Variants in ARAP2 observed in about 807,000 individuals in gnomAD.
ARAP2 encodes ArfGAP with RhoGAP domain, ankyrin repeat and PH domain 2.
ARAP2 carries 148 observed loss-of-function variants against 194.5 expected under a neutral mutation model. The ratio of observed to expected loss-of-function variants is 0.76; its 90% CI spans 0.67 to 0.87. The LOEUF (loss-of-function observed/expected upper bound fraction) is 0.87, where lower values mean the gene tolerates loss of function less well. Ranked by LOEUF, ARAP2 falls within the 40% of genes least tolerant of loss-of-function variation. The pLI is 0.00. For synonymous variants in ARAP2, 695 were observed against 683.5 expected (o/e 1.02, Z -0.26); for missense variants, 2,128 against 1,989.7 (o/e 1.07, Z -1.32).
intron 28 of ARAP2, among the ~76,000 whole-genome samples, chr4:36,083,757 T>C (rs1298310209): frequency 6.6e-6 from 1 of 152,152 alleles, no homozygotes; most frequent in Non-Finnish European, 1.5e-5. Flanking sequence ...ATGTGCATCA[T>C]GTCGTGGTTA....
intron 6 of ARAP2, among the ~76,000 whole-genome samples, chr4:36,198,943 A>G (rs911530247): frequency 3.9e-5 from 6 of 152,134 alleles, no homozygotes; most frequent in Admixed American, 3.9e-4. Flanking sequence ...GGGCATCTGT[A>G]GCTACACCCA....
At chr4:36,018,124 T>C (rs1716213090) in intron 6 of ARAP2, among the ~76,000 whole-genome samples, 1 of 152,150 alleles carries the variant, frequency 6.6e-6, no homozygotes, top group Non-Finnish European at 1.5e-5. Flanking sequence ...GTTTAAAATG[T>C]TTTAAGTCTA....
intron 26 of ARAP2, among the ~76,000 whole-genome samples, chr4:36,108,783 T>C (rs1719089294): frequency 6.6e-6 from 1 of 151,996 alleles, no homozygotes; most frequent in Non-Finnish European, 1.5e-5. Flanking sequence ...AAACATATGC[T>C]GGAATAAAGG....
At chr4:36,134,161 G>A (rs2109619477) in intron 19 of ARAP2, among the ~76,000 whole-genome samples, 1 of 151,538 alleles carries the variant, frequency 6.6e-6, no homozygotes, top group East Asian at 1.9e-4. Flanking sequence ...TATAATAATA[G>A]CACCTAGGAC....
rs748234101 is a variant in ARAP2, at chr4:36,158,754, A to C, written c.2728T>G (p.Ser910Ala). The part of the protein sequence containing the change: ...YQAPSAASKL[S>A]SEKKLLEETN... The stretch of plus-strand genomic sequence containing the variant: ...CCTTCAAGCAGTTTTTTCTCTGAAG[A>C]GAGTTTAGAAGCAGCAGAAGGAGCT... The change falls in exon 15 of 33, where the codon TCT becomes GCT. Residue 910 changes from serine to alanine, a missense_variant. Ser to Ala is a moderately conservative substitution (Grantham distance 99). Coordinates refer to ENST00000303965, the MANE Select transcript of ARAP2 (RefSeq NM_015230.4). 4.5e-5 allele frequency: 73 copies of C among 1,607,838 alleles called. No individual in the cohort carries two copies. Among genetic ancestry groups the C allele is most frequent in the Non-Finnish European group, 6.2e-5 (73 of 1,178,250 alleles).
Position 36,225,664 on chromosome 4 carries a change from T to C in ARAP2, c.905+2918A>G, listed in dbSNP as rs144537048. Among the ~76,000 whole-genome samples, 253 of 152,138 alleles carry C rather than the reference T, an allele frequency of 1.7e-3. 1 individual carries two copies. The highest frequency in any genetic ancestry group is 5.8e-3 in the African/African-American group (239 of 41,510). ...AAAATTTAATAGAGCATCAGTTCTA[T>C]CAGATTCTGTTGAGAGGAAGGAGGC... On this transcript the variant is annotated intron_variant, in intron 2 of 32. Transcript: ENST00000303965.
chr4:36,187,906 T>G (rs1438352289), intron 7 of ARAP2, among the ~76,000 whole-genome samples: 1 of 152,214 alleles, frequency 6.6e-6, no homozygotes, highest in Non-Finnish European at 1.5e-5. Flanking sequence ...TCAAAATGAT[T>G]TTATGGTGTT....
intron 6 of ARAP2, among the ~76,000 whole-genome samples, chr4:36,017,400 A>C (rs1716019017): frequency 6.6e-6 from 1 of 151,304 alleles, no homozygotes; most frequent in Admixed American, 6.6e-5. Context: ...AAACAATTAA[A>C]CCATTCTGTA....
chr4:36,081,320 C>T (rs1287452273), intron 30 of ARAP2, among the ~76,000 whole-genome samples: 2 of 152,034 alleles, frequency 1.3e-5, no homozygotes, highest in African/African-American at 2.4e-5. Context: ...TTGGTTGAGT[C>T]ATCAGGGGGA....
At chr4:36,041,761 A>T (rs947193217) in intron 5 of ARAP2, among the ~76,000 whole-genome samples, 3 of 152,230 alleles carry the variant, frequency 2.0e-5, no homozygotes, top group African/African-American at 4.8e-5. Context: ...TAGCAAAGAT[A>T]TGGAGTCAAC....
chr4:36,013,421 G>T (rs1560262264), intron 8 of ARAP2, among the ~76,000 whole-genome samples: 1 of 152,182 alleles, frequency 6.6e-6, no homozygotes, highest in Non-Finnish European at 1.5e-5. Context: ...GAGTGATGAT[G>T]TGGTTTCAAC....
Position 36,229,192 on chromosome 4 carries a change from C to T in ARAP2, c.295G>A (p.Asp99Asn). ...PSKDYHVPSSDQNICIELSNS... is the reference protein window; with the variant it reads ...PSKDYHVPSSNQNICIELSNS... ...GAAAGTTCTATGCAGATATTCTGAT[C>T]AGAAGATGGAACATGGTAATCCTTT... The change falls in exon 2 of 33, where the codon GAT (aspartate) becomes AAT (asparagine). Residue 99 changes from aspartate (D) to asparagine (N), a missense_variant. By Grantham distance (23) the Asp-to-Asn change is conservative. Coordinates refer to ENST00000303965, the MANE Select transcript of ARAP2 (RefSeq NM_015230.4). The T allele has an allele frequency of 6.2e-7, 1 of 1,614,100 alleles. No homozygotes were observed. The highest frequency in any genetic ancestry group is 8.5e-7 in the Non-Finnish European group (1 of 1,179,990).
At chr4:36,081,444 G>A (rs530525135) in intron 30 of ARAP2, among the ~76,000 whole-genome samples, 7 of 152,222 alleles carry the variant, frequency 4.6e-5, no homozygotes, top group African/African-American at 1.7e-4. Flanking sequence ...GGTGAATAAA[G>A]ATAGATGATT....
At chr4:36,162,335 A>G (rs1281814055) in intron 11 of ARAP2, among the ~76,000 whole-genome samples, 1 of 152,202 alleles carries the variant, frequency 6.6e-6, no homozygotes, top group Admixed American at 6.5e-5. Flanking sequence ...TACATGTCTA[A>G]TAAGTGTGTA....
chr4:36,014,265 GA>G (rs1453276862), intron 8 of ARAP2, among the ~76,000 whole-genome samples: 1 of 137,288 alleles, frequency 7.3e-6, no homozygotes, highest in Admixed American at 7.5e-5. Flanking sequence ...AAGAAAGAAA[GA>G]AAGAAAGAAA....
rs139872477 is a variant in ARAP2 at position 36,130,619 on chromosome 4, C to A, written c.3428-1874G>T. Among the ~76,000 whole-genome samples the A allele has an allele frequency of 3.7e-3, 560 of 151,966 alleles. 6 individuals carry two copies. Among genetic ancestry groups the A allele is most frequent in the Non-Finnish European group, 5.2e-3 (354 of 67,898 alleles). On this transcript the variant is annotated intron_variant, in intron 20 of 32. Transcript: ENST00000303965. ...ATGGACACCAGTAGCACCCCCTGAA[C>A]CTCTTTACTAGAGAATTTTATACAC...
intron 21 of ARAP2, among the ~76,000 whole-genome samples, chr4:36,126,086 G>A (rs1478107952): frequency 1.3e-5 from 2 of 151,934 alleles, no homozygotes; most frequent in Admixed American, 6.6e-5. Context: ...GTACCTGAAA[G>A]CAATAGCCAT....
chr4:36,215,973 C>T (rs1747851567), intron 2 of ARAP2, among the ~76,000 whole-genome samples: 1 of 151,362 alleles, frequency 6.6e-6, no homozygotes, highest in Non-Finnish European at 1.5e-5. Flanking sequence ...AGCCTGGGCA[C>T]AGTGGTTCAT....
chr4:36,037,517 G>T (rs756089352), intron 5 of ARAP2, among the ~76,000 whole-genome samples: 5 of 151,992 alleles, frequency 3.3e-5, no homozygotes, highest in Non-Finnish European at 7.4e-5. Context: ...GGGGGCAAGG[G>T]GAATGAGTTC....
Sources: gnomAD v4.1 joint callset for allele counts (sites outside exome capture counted in the v4.1 genomes callset) on GRCh38, gnomAD v4.1.1 for gene constraint, MANE v1.5 for transcripts, NCBI Gene and HGNC (gene_info 2026-07-23, HGNC 2026-07-21) for gene names.